Variants in C22orf23 observed in about 807,000 individuals in gnomAD.
C22orf23 encodes the protein UPF0193 protein EVG1.
Under a neutral mutation model 29.7 loss-of-function variants are expected in C22orf23, and 30 were observed. The ratio of observed to expected loss-of-function variants is 1.01; its 90% CI spans 0.76 to 1.37. The LOEUF is 1.37. C22orf23 is among the 40% of genes most tolerant of loss of function. The probability of loss-of-function intolerance (pLI) is 0.00; values close to 1 mark genes in which losing one functional copy is unlikely to be tolerated. For missense variants in C22orf23, 237 were observed against 273.1 expected (o/e 0.87, Z 0.93); for synonymous variants, 90 against 96.1 (o/e 0.94, Z 0.37).
intron 3 of C22orf23, among the ~76,000 whole-genome samples, chr22:37,948,276 C>T (rs1930821214): frequency 6.6e-6 from 1 of 152,000 alleles, no homozygotes; most frequent in Non-Finnish European, 1.5e-5. Context: ...GGTGAAACCC[C>T]ATGTCTAAAG....
intron 3 of C22orf23, 83 bp downstream of exon 3, chr22:37,951,377 C>G (rs1931000557): frequency 8.2e-7 from 1 of 1,223,970 alleles, no homozygotes; most frequent in South Asian, 1.3e-5. Flanking sequence ...TATATGAGGT[C>G]CTCTCTCCCT....
At chr22:37,948,151 TAAAAG>T (rs1033992554) in intron 3 of C22orf23, among the ~76,000 whole-genome samples, 2 of 151,134 alleles carry the variant, frequency 1.3e-5, no homozygotes, top group African/African-American at 4.9e-5. Context: ...ACCTACCTGT[TAAAAG>T]AAGTCAAAAG....
chr22:37,949,390 T>A lies in C22orf23; in HGVS notation c.167-1927A>T, dbSNP rs1380006990. Among the ~76,000 whole-genome samples the A allele has an allele frequency of 6.0e-5, 9 of 151,104 alleles. No individual in the cohort carries two copies. The Admixed American group carries it at 6.0e-4, about 10-fold the overall frequency. On this transcript the variant is annotated intron_variant, in intron 3 of 6. Transcript: ENST00000403305. ...CCTACACCTCCTGGGTACAAGCGAT[T>A]CTTGTGCCTCAGTCTCCTGAGTAGC... is the stretch of plus-strand genomic sequence containing the variant.
intron 3 of C22orf23, among the ~76,000 whole-genome samples, chr22:37,948,551 G>A (rs1930836624): frequency 6.6e-6 from 1 of 152,128 alleles, no homozygotes; most frequent in African/African-American, 2.4e-5. Context: ...AACCCAGGAG[G>A]TGGAGGTTGC....
At chr22:37,953,211 T>G in intron 1 of C22orf23, 53 bp from the exon 2 acceptor site, 1 of 1,288,404 alleles carries the variant, frequency 7.8e-7, no homozygotes, top group Non-Finnish European at 1.1e-6. Context: ...CCCTAATCTC[T>G]GTTCCCCGAC....
At chr22:37,949,207 A>G (rs996403422) in intron 3 of C22orf23, among the ~76,000 whole-genome samples, 2 of 151,596 alleles carry the variant, frequency 1.3e-5, no homozygotes, top group South Asian at 2.1e-4. Context: ...AGGCGATCCA[A>G]GTGTGTCACC....
Position 37,947,415 on chromosome 22 carries a change from ACT to A in C22orf23, c.213_214del (p.Arg71SerfsTer83), listed in dbSNP as rs1376941772. ...CGAGGCTATTTGCTTGGAAGGTAAG[ACT>A]CTCTGGCTGGATGTTGGGCTGCACT... On this transcript the variant is annotated frameshift_variant, in exon 4 of 7. Transcript: ENST00000403305. LOFTEE classifies it high-confidence loss of function. 5 of 1,605,676 alleles carry A rather than the reference ACT, an allele frequency of 3.1e-6. No homozygotes were observed. Among genetic ancestry groups the A allele is most frequent in the Non-Finnish European group, 4.2e-6 (5 of 1,177,346 alleles).
chr22:37,945,965 T>G (rs377592575), intron 4 of C22orf23, among the ~76,000 whole-genome samples: 1 of 150,058 alleles, frequency 6.7e-6, no homozygotes, highest in East Asian at 2.0e-4. Flanking sequence ...TACAAAAAAT[T>G]AGCTGGGCAT....
Position 37,947,395 on chromosome 22 carries a change from C to T in C22orf23, c.235G>A (p.Ala79Thr), listed in dbSNP as rs1930761949. 1 of 1,611,946 alleles carries T rather than the reference C, an allele frequency of 6.2e-7. No homozygotes were observed. The stretch of plus-strand genomic sequence containing the variant: ...ATGGGAGGCAGGTAGATGGGCGAGG[C>T]TATTTGCTTGGAAGGTAAGACTCTC... The part of the protein sequence containing the change: ...SQRVLPSKQI[A>T]SPIYLPPILA... Residue 79 changes from alanine to threonine, a missense_variant, in exon 4 of 7, where the codon GCC (alanine) becomes ACC (threonine). Coordinates refer to ENST00000403305, the MANE Select transcript of C22orf23 (RefSeq NM_032561.5).
At chr22:37,944,342 C>G in intron 6 of C22orf23, 75 bp downstream of exon 6, 1 of 1,613,326 alleles carries the variant, frequency 6.2e-7, no homozygotes, top group South Asian at 1.1e-5. Flanking sequence ...AACCCTGCCA[C>G]AGCAGACCCT....
At position 37,947,318 on chromosome 22, in the gene C22orf23, C is replaced by T; in HGVS notation, c.312G>A (p.Gly104=). 1 of 1,613,898 alleles carries T rather than the reference C, an allele frequency of 6.2e-7. No homozygotes were observed. Among genetic ancestry groups the T allele is most frequent in the South Asian group, 1.1e-5 (1 of 91,068 alleles). ...GCTTGAACTGCTCCCGGCTGTAGGC[C>T]CCATTGGCTTGACACATGTTGGCAG... is the stretch of plus-strand genomic sequence containing the variant. ...LRPANMCQAN[G]AYSREQFKPQ... Residue 104 remains glycine, a synonymous_variant, in exon 4 of 7, where the codon GGG becomes GGA. Coordinates refer to ENST00000403305, the MANE Select transcript of C22orf23 (RefSeq NM_032561.5).
rs1335731603 is a variant in C22orf23, at chr22:37,944,184, G to A, written c.645C>T (p.Ala215=). The change falls in exon 7 of 7, where the codon GCC becomes GCT. Residue 215 remains alanine, a synonymous_variant. Coordinates refer to ENST00000403305, the MANE Select transcript of C22orf23 (RefSeq NM_032561.5). ...RRSEELRKGL[A]TT is the part of the protein sequence containing the mutation. Reference sequence around the variant, plus strand: ...CGTCTCTGGAGACAGATTAAGTGGTGGCAAGACCCTTCCTAAGTTCCTCAC... The same window carrying A: ...CGTCTCTGGAGACAGATTAAGTGGTAGCAAGACCCTTCCTAAGTTCCTCAC... 1.2e-6 allele frequency: 2 copies of A among 1,614,094 alleles called. No homozygotes were observed. The highest frequency in any genetic ancestry group is 1.7e-5 in the Admixed American group (1 of 60,014).
intron 3 of C22orf23, among the ~76,000 whole-genome samples, chr22:37,950,186 C>T (rs1053869273): frequency 1.3e-5 from 2 of 151,966 alleles, no homozygotes; most frequent in Non-Finnish European, 2.9e-5. Flanking sequence ...GGTCTCGGCT[C>T]GCTGCACCCT....
intron 4 of C22orf23, among the ~76,000 whole-genome samples, chr22:37,945,511 T>C (rs1601846912): frequency 2.0e-5 from 3 of 150,004 alleles, no homozygotes; most frequent in African/African-American, 7.3e-5. Flanking sequence ...TTTTTTTTTT[T>C]TGAGACAAGG....
intron 3 of C22orf23, among the ~76,000 whole-genome samples, chr22:37,949,238 C>T (rs1930873056): frequency 1.3e-5 from 2 of 151,982 alleles, no homozygotes; most frequent in South Asian, 4.2e-4. Context: ...GTTGACCCCA[C>T]CTCTCAACTG....
intron 2 of C22orf23, chr22:37,952,808 C>T (rs1049900494): frequency 7.1e-6 from 3 of 424,392 alleles, no homozygotes; most frequent in African/African-American, 6.3e-5. Flanking sequence ...CTCACCGCCT[C>T]CTTTCAGGTC....
chr22:37,946,654 C>T (rs369987295), intron 4 of C22orf23, among the ~76,000 whole-genome samples: 34 of 150,096 alleles, frequency 2.3e-4, no homozygotes, highest in African/African-American at 7.6e-4. Flanking sequence ...CCAGGGTGGG[C>T]GGATCACTTG....
intron 2 of C22orf23, 26 bp from the exon 3 acceptor site, chr22:37,951,548 C>A (rs751052783): frequency 1.9e-6 from 3 of 1,610,652 alleles, no homozygotes; most frequent in South Asian, 1.1e-5. Flanking sequence ...TTCTATGAGG[C>A]CTCTTGGGCT....
At position 37,945,170 on chromosome 22, in the gene C22orf23, T is replaced by G. The variant is rs1569155366; in HGVS notation, c.353A>C (p.Asp118Ala). 6.2e-7 allele frequency: 1 copy of G among 1,611,308 alleles called. No individual in the cohort carries two copies. The highest frequency in any genetic ancestry group is 1.7e-5 in the Admixed American group (1 of 59,422). The change falls in exon 5 of 7, where the codon GAT becomes GCT. Residue 118 changes from aspartate (D) to alanine (A), a missense_variant. Coordinates refer to ENST00000403305, the MANE Select transcript of C22orf23 (RefSeq NM_032561.5). ...GAGTCTTTGTTTCTCCTTCTCCAAA[T>G]CCCCTGTAGGGCCAAAAAGAAATGG... The part of the protein sequence containing the change: ...REQFKPQATR[D>A]LEKEKQRLQN...
Sources: gnomAD v4.1 joint callset for allele counts (sites outside exome capture counted in the v4.1 genomes callset) on GRCh38, gnomAD v4.1.1 for gene constraint, MANE v1.5 for transcripts, NCBI Gene and HGNC (gene_info 2026-07-23, HGNC 2026-07-21) for gene names.